The following ATF1 variants were observed in gnomAD, a reference collection of about 807,000 sequenced individuals.
ATF1 encodes the protein activating transcription factor 1, also known as cyclic AMP-dependent transcription factor ATF-1.
In ATF1, 16 loss-of-function variants were observed where a neutral mutation model predicts 34.7. That is an observed-to-expected ratio of 0.46 (90% confidence interval 0.31 to 0.70). The LOEUF (loss-of-function observed/expected upper bound fraction) is 0.70, where lower values mean the gene tolerates loss of function less well. Ranked by LOEUF, ATF1 falls within the 30% of genes least tolerant of loss-of-function variation. The pLI is 0.05. For missense variants in ATF1, 255 were observed against 321.6 expected, an observed-to-expected ratio of 0.79 and a Z score of 1.58; for synonymous variants, 105 against 113.1, an observed-to-expected ratio of 0.93 and a Z score of 0.46.
At chr12:50,765,639 A>C (rs965154284) in intron 1 of ATF1, among the ~76,000 whole-genome samples, 1 of 152,224 alleles carries the variant, frequency 6.6e-6, no homozygotes, top group African/African-American at 2.4e-5. Flanking sequence ...ATTCCCAGAC[A>C]GTTAAGGCAT....
At chr12:50,790,256 G>A (rs540350101) in intron 2 of ATF1, among the ~76,000 whole-genome samples, 3 of 146,806 alleles carry the variant, frequency 2.0e-5, no homozygotes, top group South Asian at 4.4e-4. Context: ...TAGAGTTGGA[G>A]TGCAGTGGCG....
rs180970190 is a variant in ATF1, at chr12:50,820,157, T to G, written c.*378T>G. ...TTGCATTTGTTTGCTGAAATTTACC[T>G]TTTTTTAGTTATATATATGTGTGTG... On this transcript the variant is annotated 3_prime_UTR_variant, in exon 7 of 7. Transcript: ENST00000262053. The G allele has an allele frequency of 4.9e-3, 1,128 of 229,872 alleles. 3 individuals are homozygous for G. Among genetic ancestry groups the G allele is most frequent in the Non-Finnish European group, 7.4e-3 (868 of 116,620 alleles). The allele number at this position is 229,872 out of a possible 1,614,324, so 14.2% of individuals were successfully genotyped here.
chr12:50,780,313 A>G, intron 2 of ATF1, 75 bp downstream of exon 2: 1 of 1,273,136 alleles, frequency 7.9e-7, no homozygotes, highest in Non-Finnish European at 1.1e-6. Context: ...TTTCAGACTG[A>G]TTATTAATGT....
chr12:50,780,910 A>G (rs1941046040), intron 2 of ATF1, among the ~76,000 whole-genome samples: 1 of 152,254 alleles, frequency 6.6e-6, no homozygotes, highest in Admixed American at 6.5e-5. Flanking sequence ...CAGTGAGCAC[A>G]GACTATGCCA....
chr12:50,795,946 C>T lies in ATF1; in HGVS notation c.131C>T (p.Ser44Leu). Reference protein sequence around the residue: ...SLSESEESQDSSDSIGSSQKA... With the variant: ...SLSESEESQDLSDSIGSSQKA... Reference sequence around the variant, plus strand: ...TCAGAAAGTGAGGAGTCCCAGGACTCATCCGACAGCATAGGCTCCTCACAG... The same window carrying T: ...TCAGAAAGTGAGGAGTCCCAGGACTTATCCGACAGCATAGGCTCCTCACAG... The change falls in exon 3 of 7, where the codon TCA becomes TTA. Residue 44 changes from serine (S) to leucine (L), a missense_variant. By Grantham distance (145) the Ser-to-Leu change is moderately radical (BLOSUM62 -2). Coordinates refer to ENST00000262053, the MANE Select transcript of ATF1 (RefSeq NM_005171.5). 1 of 1,613,222 alleles carries T rather than the reference C, an allele frequency of 6.2e-7. No homozygotes were observed. Among genetic ancestry groups the T allele is most frequent in the Non-Finnish European group, 8.5e-7 (1 of 1,179,788 alleles).
chr12:50,818,459 A>T (rs1191077491), intron 6 of ATF1, among the ~76,000 whole-genome samples: 2 of 152,166 alleles, frequency 1.3e-5, no homozygotes, highest in African/African-American at 4.8e-5. Context: ...ACCACTTAAA[A>T]CAAACAAACA....
chr12:50,807,733 C>CT (rs1941643272), intron 3 of ATF1, among the ~76,000 whole-genome samples: 1 of 150,776 alleles, frequency 6.6e-6, no homozygotes, highest in Non-Finnish European at 1.5e-5. Context: ...TTAAGCATTT[C>CT]TTTTTTCTTT....
intron 1 of ATF1, chr12:50,764,627 C>G (rs759608056): frequency 6.6e-6 from 1 of 152,276 alleles, no homozygotes; most frequent in Non-Finnish European, 1.5e-5. Flanking sequence ...CAGGCGCTAG[C>G]TCTCCGTGGG....
chr12:50,763,640 A>T (rs1940545846), upstream of ATF1: 1 of 35,104 alleles, frequency 2.8e-5, no homozygotes, highest in South Asian at 8.1e-4. Flanking sequence ...GACTCCATCT[A>T]AAAAAAAAAA....
chr12:50,805,243 T>G (rs916257292), intron 3 of ATF1, among the ~76,000 whole-genome samples: 1 of 151,978 alleles, frequency 6.6e-6, no homozygotes, highest in African/African-American at 2.4e-5. Flanking sequence ...GTGATCATAC[T>G]GGAATTAGAG....
At chr12:50,776,561 C>A (rs572465974) in intron 1 of ATF1, among the ~76,000 whole-genome samples, 38 of 149,196 alleles carry the variant, frequency 2.5e-4, no homozygotes, top group African/African-American at 9.3e-4. Context: ...AATGATATGA[C>A]CAGATAACTC....
intron 2 of ATF1, among the ~76,000 whole-genome samples, chr12:50,783,273 A>G (rs1365804295): frequency 6.6e-6 from 1 of 152,156 alleles, no homozygotes; most frequent in Non-Finnish European, 1.5e-5. Flanking sequence ...AAAACCAGTG[A>G]CCCAAAGGGG....
chr12:50,764,399 C>T (rs1940571500), intron 1 of ATF1, 92 bp downstream of exon 1: 1 of 146,476 alleles, frequency 6.8e-6, no homozygotes, highest in Non-Finnish European at 1.5e-5. Flanking sequence ...GCGGGTCGCG[C>T]GCCTGGTGGG....
At chr12:50,809,394 AATTATT>A (rs1167861381) in intron 3 of ATF1, 56 bp from the exon 4 acceptor site, 15,035 of 1,126,152 alleles carry the variant, frequency 0.013, 177 homozygotes, top group Middle Eastern at 0.018. Flanking sequence ...AAAAAAAAAA[AATTATT>A]TTTGTGAAGT....
intron 2 of ATF1, among the ~76,000 whole-genome samples, chr12:50,795,592 A>G (rs1005039421): frequency 6.6e-6 from 1 of 151,994 alleles, no homozygotes; most frequent in Admixed American, 6.5e-5. Context: ...AATGTGCATC[A>G]GTGTAGAAAT....
intron 6 of ATF1, among the ~76,000 whole-genome samples, chr12:50,815,850 G>A (rs901984560): frequency 5.3e-5 from 8 of 152,300 alleles, no homozygotes; most frequent in Admixed American, 4.6e-4. Context: ...ACGCACAATA[G>A]CTAATAGAAT....
chr12:50,772,000 G>A (rs978118566), intron 1 of ATF1, among the ~76,000 whole-genome samples: 7 of 152,122 alleles, frequency 4.6e-5, no homozygotes, highest in Admixed American at 1.3e-4. Flanking sequence ...AGCAGCCCTC[G>A]GGGCTGCTCT....
intron 6 of ATF1, among the ~76,000 whole-genome samples, chr12:50,814,981 G>A (rs35353300): frequency 6.6e-6 from 1 of 151,688 alleles, no homozygotes; most frequent in East Asian, 1.9e-4. Flanking sequence ...AATTAGCTGG[G>A]CGTGGTGGCG....
chr12:50,764,823 A>G (rs1027760263), intron 1 of ATF1, among the ~76,000 whole-genome samples: 2 of 152,248 alleles, frequency 1.3e-5, no homozygotes, highest in African/African-American at 4.8e-5. Context: ...CTAGCGGGCA[A>G]CCGACGCACG....
Sources: gnomAD v4.1 joint callset for allele counts (sites outside exome capture counted in the v4.1 genomes callset) on GRCh38, gnomAD v4.1.1 for gene constraint, MANE v1.5 for transcripts, NCBI Gene and HGNC (gene_info 2026-07-23, HGNC 2026-07-21) for gene names.